Variants in RBMS3 observed in about 807,000 individuals in gnomAD.
RBMS3 encodes RNA binding motif single stranded interacting protein 3.
Under a neutral mutation model 66.8 loss-of-function variants are expected in RBMS3, and 27 were observed. The observed-to-expected ratio is 0.40, with a 90% CI of 0.30 to 0.56. RBMS3 has a LOEUF of 0.56. Among genes scored for constraint, RBMS3 ranks in the 20% least tolerant of loss-of-function variants. The pLI is 0.40. For synonymous variants in RBMS3, 188 were observed against 183.0 expected, an observed-to-expected ratio of 1.03 and a Z score of -0.22; for missense variants, 513 against 549.5, an observed-to-expected ratio of 0.93 and a Z score of 0.66.
intron 12 of RBMS3, among the ~76,000 whole-genome samples, chr3:29,986,207 CTTAA>C (rs571202385): frequency 2.4e-4 from 37 of 152,264 alleles, no homozygotes; most frequent in African/African-American, 8.7e-4. Context: ...CAATTCTGAA[CTTAA>C]TTAAATTCAT....
intron 1 of RBMS3, among the ~76,000 whole-genome samples, chr3:29,348,165 G>T (rs1301967802): frequency 6.6e-6 from 1 of 152,168 alleles, no homozygotes; most frequent in East Asian, 1.9e-4. Flanking sequence ...AATTTACTAA[G>T]TGTAGGGTCT....
chr3:29,494,591 A>G (rs181410049), intron 3 of RBMS3, among the ~76,000 whole-genome samples: 1 of 152,334 alleles, frequency 6.6e-6, no homozygotes, highest in East Asian at 1.9e-4. Flanking sequence ...TGTACAAGAC[A>G]CAGAGATTTG....
At chr3:29,625,812 G>A (rs1430813966) in intron 4 of RBMS3, among the ~76,000 whole-genome samples, 1 of 152,060 alleles carries the variant, frequency 6.6e-6, no homozygotes, top group Non-Finnish European at 1.5e-5. Flanking sequence ...GTGATCTATG[G>A]CCAGTAATCT....
intron 12 of RBMS3, among the ~76,000 whole-genome samples, chr3:29,949,643 A>G (rs1695547123): frequency 6.6e-6 from 1 of 151,854 alleles, no homozygotes; most frequent in Admixed American, 6.6e-5. Context: ...GATGGTAGAC[A>G]TTGAGATGGA....
chr3:29,515,514 C>T (rs777227050), intron 3 of RBMS3, among the ~76,000 whole-genome samples: 39 of 152,232 alleles, frequency 2.6e-4, no homozygotes, highest in Middle Eastern at 3.4e-3. Context: ...TTTGGAATGA[C>T]AAAGAAGGAA....
intron 1 of RBMS3, among the ~76,000 whole-genome samples, chr3:29,396,927 G>A (rs2039577695): frequency 2.6e-5 from 4 of 152,128 alleles, no homozygotes; most frequent in Admixed American, 2.6e-4. Context: ...GTGCATAAAA[G>A]TAGCAATACA....
chr3:29,765,224 A>G (rs759022026), intron 6 of RBMS3, among the ~76,000 whole-genome samples: 7 of 152,038 alleles, frequency 4.6e-5, no homozygotes, highest in Non-Finnish European at 1.0e-4. Flanking sequence ...CATAACAGGT[A>G]TAATTACAAT....
intron 4 of RBMS3, among the ~76,000 whole-genome samples, chr3:29,656,832 C>T (rs1223991136): frequency 6.6e-6 from 1 of 152,158 alleles, no homozygotes; most frequent in African/African-American, 2.4e-5. Context: ...AGACTAACTA[C>T]TGAAACATAC....
chr3:29,494,559 A>G (rs1473644595), intron 3 of RBMS3, among the ~76,000 whole-genome samples: 1 of 152,230 alleles, frequency 6.6e-6, no homozygotes, highest in African/African-American at 2.4e-5. Context: ...ATATTCAAAC[A>G]CAAGGACTAA....
intron 6 of RBMS3, among the ~76,000 whole-genome samples, chr3:29,840,691 AT>A (rs1470356376): frequency 6.6e-6 from 1 of 152,020 alleles, no homozygotes; most frequent in African/African-American, 2.4e-5. Context: ...TGATAGATAT[AT>A]TTTATTTTTG....
chr3:29,292,538 G>A (rs996985175), intron 1 of RBMS3, among the ~76,000 whole-genome samples: 3 of 151,798 alleles, frequency 2.0e-5, no homozygotes, highest in East Asian at 3.9e-4. Flanking sequence ...TGTCATTCTT[G>A]ATAGCATCTT....
intron 12 of RBMS3, among the ~76,000 whole-genome samples, chr3:29,981,053 C>T (rs993261348): frequency 2.5e-4 from 38 of 152,294 alleles, no homozygotes; most frequent in Non-Finnish European, 2.8e-4. Flanking sequence ...TTGATTCTTC[C>T]TATCCATGAG....
At position 29,438,799 on chromosome 3, in the gene RBMS3, A is replaced by C. The variant is rs528476072; in HGVS notation, c.248+3884A>C. On this transcript the variant is annotated intron_variant, in intron 2 of 14. Coordinates refer to ENST00000383767, the MANE Select transcript of RBMS3 (RefSeq NM_001003793.3). ...TGCCTGTGGTGAGGAGTCAGTGGTG[A>C]GTAAATTTAGATAAAGGAGAAATAT... Among the ~76,000 whole-genome samples the C allele has an allele frequency of 4.6e-5, 7 of 152,282 alleles. No individual in the cohort carries two copies. In the South Asian group the frequency reaches 1.2e-3, roughly 27 times the overall value.
At chr3:29,837,665 TATATATATATA>T (rs1559724000) in intron 6 of RBMS3, among the ~76,000 whole-genome samples, 1 of 16,714 alleles carries the variant, frequency 6.0e-5, no homozygotes, top group Admixed American at 4.9e-4. Flanking sequence ...ATAATGAACA[TATATATATATA>T]TATATATATA....
intron 4 of RBMS3, among the ~76,000 whole-genome samples, chr3:29,683,667 G>A (rs1378839654): frequency 6.6e-6 from 1 of 152,170 alleles, no homozygotes; most frequent in Non-Finnish European, 1.5e-5. Context: ...AAGGAATGTT[G>A]CTGCTGATAA....
chr3:29,838,431 T>G (rs996018009), intron 6 of RBMS3, among the ~76,000 whole-genome samples: 1 of 152,168 alleles, frequency 6.6e-6, no homozygotes, highest in East Asian at 1.9e-4. Flanking sequence ...TGAGAACACT[T>G]GTCTTAAGTG....
intron 1 of RBMS3, among the ~76,000 whole-genome samples, chr3:29,362,668 T>A (rs1197713823): frequency 6.6e-6 from 1 of 152,166 alleles, no homozygotes; most frequent in Non-Finnish European, 1.5e-5. Flanking sequence ...TTGGATGGAG[T>A]ACCCACAATT....
intron 4 of RBMS3, among the ~76,000 whole-genome samples, chr3:29,607,156 A>C (rs1349547313): frequency 6.6e-6 from 1 of 151,976 alleles, no homozygotes; most frequent in African/African-American, 2.4e-5. Flanking sequence ...TCAAGTTATT[A>C]CACATTTTAG....
chr3:29,597,675 A>G (rs999372514), intron 4 of RBMS3, among the ~76,000 whole-genome samples: 1 of 152,188 alleles, frequency 6.6e-6, no homozygotes, highest in African/African-American at 2.4e-5. Context: ...TTAAGAGAAT[A>G]TTCAACTTTA....
Sources: gnomAD v4.1 joint callset for allele counts (sites outside exome capture counted in the v4.1 genomes callset) on GRCh38, gnomAD v4.1.1 for gene constraint, MANE v1.5 for transcripts, NCBI Gene and HGNC (gene_info 2026-07-23, HGNC 2026-07-21) for gene names.